LINGO2: variants seen among roughly 807,000 people sequenced by gnomAD.
LINGO2 encodes leucine-rich repeat and immunoglobulin-like domain-containing nogo receptor-interacting protein 2.
A neutral mutation model predicts 30.6 loss-of-function variants in LINGO2; 14 were observed. The ratio of observed to expected loss-of-function variants is 0.46; its 90% CI spans 0.30 to 0.72. The LOEUF is 0.72. Among genes scored for constraint, LINGO2 ranks in the 30% least tolerant of loss-of-function variants. The pLI is 0.07. For synonymous variants in LINGO2, 317 were observed against 288.5 expected (o/e 1.10, Z -1.00); for missense variants, 729 against 751.7 (o/e 0.97, Z 0.35).
the LINGO2 span, among the ~76,000 whole-genome samples, chr9:28,812,278 C>A: frequency 1.3e-5 from 2 of 152,022 alleles, no homozygotes; most frequent in African/African-American, 2.4e-5. Context: ...CAAATAAGGA[C>A]TTCCAACAAG....
Position 28,452,432 on chromosome 9 carries a change from C to G in LINGO2, c.-279+23508G>C, listed in dbSNP as rs1824683840. Among the ~76,000 whole-genome samples, 12 of 151,918 alleles carry G rather than the reference C, an allele frequency of 7.9e-5. No individual in the cohort carries two copies. The South Asian group carries it at 2.5e-3, about 32-fold the overall frequency. On this transcript the variant is annotated intron_variant, in intron 2 of 5. Coordinates refer to ENST00000379992, the Ensembl canonical transcript of LINGO2. ...AACTCTGCATATTATGAAGTCTACTCTTAAAGACTCACAATAAACATGAAA... is the reference window on the plus strand; with the variant it reads ...AACTCTGCATATTATGAAGTCTACTGTTAAAGACTCACAATAAACATGAAA...
the LINGO2 span, among the ~76,000 whole-genome samples, chr9:28,848,039 T>C: frequency 4.1e-4 from 6 of 14,660 alleles, no homozygotes; most frequent in Non-Finnish European, 4.9e-4. Flanking sequence ...ACACACACTA[T>C]ATATAGTATA....
At chr9:28,097,654 G>A (rs1456998024) in intron 4 of LINGO2, among the ~76,000 whole-genome samples, 1 of 124,826 alleles carries the variant, frequency 8.0e-6, no homozygotes, top group African/African-American at 3.1e-5. Context: ...ATGGACACAG[G>A]AAGGGGAATA....
chr9:29,119,773 T>C, the LINGO2 span, among the ~76,000 whole-genome samples: 1 of 151,826 alleles, frequency 6.6e-6, no homozygotes, highest in South Asian at 2.1e-4. Flanking sequence ...TAATTTTGTG[T>C]TTTTAGTAGA....
the LINGO2 span, among the ~76,000 whole-genome samples, chr9:28,972,663 G>A: frequency 6.6e-6 from 1 of 152,032 alleles, no homozygotes; most frequent in Non-Finnish European, 1.5e-5. Context: ...TGACATATTG[G>A]GAGACTCGGT....
the LINGO2 span, among the ~76,000 whole-genome samples, chr9:28,692,686 C>T: frequency 2.0e-5 from 3 of 152,072 alleles, no homozygotes; most frequent in Non-Finnish European, 2.9e-5. Flanking sequence ...TCAAATCTTA[C>T]CTACTCAGTG....
chr9:28,908,659 G>A, the LINGO2 span, among the ~76,000 whole-genome samples: 4 of 151,740 alleles, frequency 2.6e-5, no homozygotes, highest in South Asian at 4.1e-4. Flanking sequence ...AAAAATAATC[G>A]TTAAAAATGG....
chr9:29,191,075 G>A, the LINGO2 span, among the ~76,000 whole-genome samples: 11 of 152,182 alleles, frequency 7.2e-5, 1 homozygote, highest in African/African-American at 1.7e-4. Context: ...ACTAGACCAC[G>A]GTGTGAGAGA....
intron 4 of LINGO2, among the ~76,000 whole-genome samples, chr9:28,240,572 G>A (rs1821746913): frequency 6.6e-6 from 1 of 152,042 alleles, no homozygotes; most frequent in Non-Finnish European, 1.5e-5. Flanking sequence ...AATGGTGCTG[G>A]GAAAACTGGT....
At chr9:28,385,496 G>A (rs935333829) in intron 2 of LINGO2, among the ~76,000 whole-genome samples, 1 of 152,156 alleles carries the variant, frequency 6.6e-6, no homozygotes, top group African/African-American at 2.4e-5. Flanking sequence ...AAAAGGCACG[G>A]ATACTGTTAT....
chr9:29,193,645 A>G, the LINGO2 span, among the ~76,000 whole-genome samples: 2 of 152,096 alleles, frequency 1.3e-5, no homozygotes, highest in Non-Finnish European at 2.9e-5. Flanking sequence ...AGGGCTGGGG[A>G]CTGGGTAAGA....
chr9:28,270,624 T>G (rs1194926184), intron 4 of LINGO2, among the ~76,000 whole-genome samples: 1 of 152,056 alleles, frequency 6.6e-6, no homozygotes, highest in Non-Finnish European at 1.5e-5. Flanking sequence ...ACAAGCAAAT[T>G]AGCAGCTGGT....
chr9:28,456,387 T>C lies in LINGO2; in HGVS notation c.-279+19553A>G, dbSNP rs914951554. Among the ~76,000 whole-genome samples, 9 of 152,206 alleles carry C rather than the reference T, an allele frequency of 5.9e-5. No homozygotes were observed. The South Asian group carries it at 1.9e-3, about 31-fold the overall frequency. On this transcript the variant is annotated intron_variant, in intron 2 of 5. Transcript: ENST00000379992. ...AGCCTCCCAAGACTTTTCTCCATTCTCTCTATGTCTTCTAACTCAGAGGCA... is the reference window on the plus strand; with the variant it reads ...AGCCTCCCAAGACTTTTCTCCATTCCCTCTATGTCTTCTAACTCAGAGGCA...
chr9:28,441,715 CA>C (rs1172973045), intron 2 of LINGO2, among the ~76,000 whole-genome samples: 1 of 152,098 alleles, frequency 6.6e-6, no homozygotes, highest in Admixed American at 6.5e-5. Flanking sequence ...CTCTTAATAA[CA>C]AAGAAGAAAA....
intron 1 of LINGO2, among the ~76,000 whole-genome samples, chr9:28,582,882 G>A (rs56354446): frequency 0.036 from 5,418 of 152,018 alleles, 128 homozygotes; most frequent in Non-Finnish European, 0.056. Flanking sequence ...AAAACATACC[G>A]ATGCTTTGAC....
At chr9:28,957,990 T>C in the LINGO2 span, among the ~76,000 whole-genome samples, 11 of 152,192 alleles carry the variant, frequency 7.2e-5, no homozygotes, top group Admixed American at 7.2e-4. Context: ...AGTAGTTACA[T>C]AAACTTTTTC....
the LINGO2 span, among the ~76,000 whole-genome samples, chr9:28,995,890 G>GGGATAGCAT: frequency 0.64 from 95,562 of 150,036 alleles, 31,260 homozygotes; most frequent in Non-Finnish European, 0.71. Flanking sequence ...GGATGGGGGA[G>GGGATAGCAT]GGATAGCATT....
At chr9:28,191,564 C>T (rs1156397475) in intron 4 of LINGO2, among the ~76,000 whole-genome samples, 1 of 152,086 alleles carries the variant, frequency 6.6e-6, no homozygotes, top group Non-Finnish European at 1.5e-5. Flanking sequence ...TCCCTCTTAA[C>T]CCCCTTTCTT....
chr9:28,861,032 ATAT>A, the LINGO2 span, among the ~76,000 whole-genome samples: 1,054 of 123,362 alleles, frequency 8.5e-3, 20 homozygotes, highest in East Asian at 0.055. Context: ...TATATAATAC[ATAT>A]TATTAATATA....
Sources: gnomAD v4.1 joint callset for allele counts (sites outside exome capture counted in the v4.1 genomes callset) on GRCh38, gnomAD v4.1.1 for gene constraint, MANE v1.5 for transcripts, NCBI Gene and HGNC (gene_info 2026-07-23, HGNC 2026-07-21) for gene names.